DRICH1: variants seen among roughly 807,000 people sequenced by gnomAD.
DRICH1 encodes aspartate rich 1.
In DRICH1, 38 loss-of-function variants were observed where a neutral mutation model predicts 39.5. That is an observed-to-expected ratio of 0.96 (90% CI 0.74 to 1.26). DRICH1 has a LOEUF of 1.26. Ranked by LOEUF, DRICH1 falls within the 50% of genes most tolerant of loss-of-function variation. DRICH1 has a pLI of 0.00. For synonymous variants in DRICH1, 84 were observed against 99.5 expected, an observed-to-expected ratio of 0.84 and a Z score of 0.93; for missense variants, 279 against 270.4, an observed-to-expected ratio of 1.03 and a Z score of -0.22.
At chr22:23,621,944 A>G in intron 4 of DRICH1, 147 bp downstream of exon 4, 2 of 780,280 alleles carry the variant, frequency 2.6e-6, no homozygotes, top group East Asian at 5.1e-5. Context: ...AAGAAAAGAA[A>G]AGAAAAAAGA....
At chr22:23,623,494 T>C (rs550326665) in intron 3 of DRICH1, among the ~76,000 whole-genome samples, 1 of 152,164 alleles carries the variant, frequency 6.6e-6, no homozygotes, top group Non-Finnish European at 1.5e-5. Context: ...ATAAAGATTC[T>C]AGAAAGTAAA....
chr22:23,613,440 G>A, intron 10 of DRICH1, 110 bp from the exon 11 acceptor site: 6 of 991,144 alleles, frequency 6.1e-6, no homozygotes, highest in Middle Eastern at 4.1e-4. Flanking sequence ...ACTCCATGCT[G>A]CTTCATACAT....
chr22:23,609,069 C>T (rs569333813), intron 11 of DRICH1, among the ~76,000 whole-genome samples: 6 of 152,240 alleles, frequency 3.9e-5, no homozygotes, highest in South Asian at 2.1e-4. Flanking sequence ...AAACTGCTGT[C>T]GGGAGAGGTA....
the DRICH1 span, among the ~76,000 whole-genome samples, chr22:23,589,780 C>A: frequency 2.6e-5 from 4 of 152,146 alleles, no homozygotes; most frequent in African/African-American, 9.7e-5. Context: ...TCAGCAGATA[C>A]CTTGGTGTTA....
chr22:23,612,751 T>C (rs986326497), intron 11 of DRICH1, among the ~76,000 whole-genome samples: 6 of 152,102 alleles, frequency 3.9e-5, no homozygotes, highest in African/African-American at 1.4e-4. Context: ...AGAGTGAATA[T>C]TCACTCCACC....
the DRICH1 span, among the ~76,000 whole-genome samples, chr22:23,592,392 TGG>T: frequency 4.8e-4 from 72 of 150,748 alleles, no homozygotes; most frequent in Admixed American, 1.7e-3. Flanking sequence ...GGAGCAAGAC[TGG>T]GGGGGGGCGG....
chr22:23,625,210 C>G (rs1467332975), intron 2 of DRICH1, among the ~76,000 whole-genome samples: 1 of 152,186 alleles, frequency 6.6e-6, no homozygotes, highest in Non-Finnish European at 1.5e-5. Context: ...TAAAAACATC[C>G]TAGTGTGTCA....
At chr22:23,592,050 C>T in the DRICH1 span, among the ~76,000 whole-genome samples, 23 of 152,286 alleles carry the variant, frequency 1.5e-4, no homozygotes, top group East Asian at 2.1e-3. Context: ...GGGTGTTTCC[C>T]GAGGCACGTC....
chr22:23,621,610 T>G (rs1927739628), intron 4 of DRICH1, among the ~76,000 whole-genome samples: 1 of 152,046 alleles, frequency 6.6e-6, no homozygotes. Flanking sequence ...CTTGCAAGAC[T>G]GTCATTAAAA....
intron 1 of DRICH1, among the ~76,000 whole-genome samples, chr22:23,628,261 C>T (rs1464646873): frequency 3.9e-5 from 6 of 152,158 alleles, no homozygotes; most frequent in Non-Finnish European, 5.9e-5. Flanking sequence ...TGCTAGGGGG[C>T]TCTGTCCAGT....
At chr22:23,590,278 A>ATTTTT in the DRICH1 span, among the ~76,000 whole-genome samples, 3 of 137,528 alleles carry the variant, frequency 2.2e-5, no homozygotes, top group African/African-American at 5.4e-5. Context: ...CAGCCCTTTG[A>ATTTTT]TTTTTTTTTT....
downstream of DRICH1, among the ~76,000 whole-genome samples, chr22:23,604,525 T>C (rs186925815): frequency 6.8e-3 from 1,037 of 152,268 alleles, 12 homozygotes; most frequent in Admixed American, 0.016. Flanking sequence ...TGATGGGGAC[T>C]CCTTGCCTAG....
the DRICH1 span, among the ~76,000 whole-genome samples, chr22:23,587,438 C>T: frequency 2.0e-5 from 3 of 152,182 alleles, no homozygotes; most frequent in African/African-American, 7.2e-5. Flanking sequence ...CCTTATCAGA[C>T]CAAAATTCGA....
the DRICH1 span, among the ~76,000 whole-genome samples, chr22:23,590,656 T>C: frequency 3.3e-5 from 5 of 152,074 alleles, no homozygotes; most frequent in African/African-American, 1.2e-4. Context: ...TGGAGTGCAG[T>C]GGCACAATCT....
chr22:23,589,020 C>T, the DRICH1 span, among the ~76,000 whole-genome samples: 928 of 152,094 alleles, frequency 6.1e-3, 16 homozygotes, highest in South Asian at 0.037. Flanking sequence ...AGCTAACCCT[C>T]CCAGAAAAGG....
chr22:23,630,961 G>C (rs1928352020), intron 1 of DRICH1: 1 of 152,244 alleles, frequency 6.6e-6, no homozygotes. Flanking sequence ...ACACACTGGG[G>C]CCTGTCAGGG....
chr22:23,613,287 AC>A lies in DRICH1; in HGVS notation c.685+1del. On this transcript the variant is annotated splice_donor_variant, in intron 11 of 11. Coordinates refer to ENST00000317749, the MANE Select transcript of DRICH1 (RefSeq NM_016449.4). LOFTEE classifies it high-confidence loss of function. ...GGTTTTTGCTGGCACGTAGTTCCCTACCTGGATGAATCTCTTCATCACTTAG... is the reference window on the plus strand; with the variant it reads ...GGTTTTTGCTGGCACGTAGTTCCCTACTGGATGAATCTCTTCATCACTTAG... The A allele has an allele frequency of 1.2e-6, 2 of 1,611,706 alleles. No individual in the cohort carries two copies. Among genetic ancestry groups the A allele is most frequent in the Non-Finnish European group, 1.7e-6 (2 of 1,178,552 alleles).
chr22:23,605,519 G>GGGA (rs542347506), downstream of DRICH1, among the ~76,000 whole-genome samples: 148 of 152,116 alleles, frequency 9.7e-4, no homozygotes, highest in African/African-American at 3.3e-3. Flanking sequence ...CATACATAGT[G>GGGA]GGAGGAGGAG....
chr22:23,631,651 A>G (rs1293907821), intron 1 of DRICH1, among the ~76,000 whole-genome samples, 165 bp downstream of exon 1: 1 of 134,846 alleles, frequency 7.4e-6, no homozygotes, highest in African/African-American at 3.0e-5. Context: ...CGACAAAGAC[A>G]GGAGGCAGAG....
Sources: gnomAD v4.1 joint callset for allele counts (sites outside exome capture counted in the v4.1 genomes callset) on GRCh38, gnomAD v4.1.1 for gene constraint, MANE v1.5 for transcripts, NCBI Gene and HGNC (gene_info 2026-07-23, HGNC 2026-07-21) for gene names.